INTS10: variants seen among roughly 807,000 people sequenced by gnomAD.
INTS10 encodes the protein integrator complex subunit 10, also known as chromosome 8 open reading frame 35.
Under a neutral mutation model 94.4 loss-of-function variants are expected in INTS10, and 44 were observed. The ratio of observed to expected loss-of-function variants is 0.47; its 90% CI spans 0.37 to 0.60. INTS10 has a LOEUF of 0.60. Ranked by LOEUF, INTS10 falls within the 20% of genes least tolerant of loss-of-function variation. The probability of loss-of-function intolerance (pLI) is 0.00; values close to 1 mark genes in which losing one functional copy is unlikely to be tolerated. For synonymous variants in INTS10, 341 were observed against 320.7 expected, an observed-to-expected ratio of 1.06 and a Z score of -0.68; for missense variants, 797 against 868.7, an observed-to-expected ratio of 0.92 and a Z score of 1.04.
intron 11 of INTS10, 29 bp from the exon 12 acceptor site, chr8:19,833,140 T>C (rs980718244): frequency 2.0e-6 from 3 of 1,501,008 alleles, no homozygotes; most frequent in Non-Finnish European, 2.7e-6. Flanking sequence ...GCGATGCTTT[T>C]CCCCTCCTTG....
intron 15 of INTS10, among the ~76,000 whole-genome samples, chr8:19,845,012 C>T (rs2068457650): frequency 1.3e-5 from 2 of 152,038 alleles, no homozygotes; most frequent in Non-Finnish European, 2.9e-5. Context: ...ACCCTCCTAC[C>T]TCAGCCTTCT....
At position 19,826,418 on chromosome 8, in the gene INTS10, G is replaced by A. The variant is rs573814513; in HGVS notation, c.1007-8G>A. On this transcript the variant is annotated splice_region_variant and splice_polypyrimidine_tract_variant and intron_variant, in intron 8 of 16. Transcript: ENST00000397977. ...CTGGTAAGTGTTGGTGTTTTTCCCC[G>A]TCCTTAGGTCCTAATGCCCCGAGCC... is the stretch of plus-strand genomic sequence containing the variant. 19 of 1,603,418 alleles carry A rather than the reference G, an allele frequency of 1.2e-5. No individual in the cohort carries two copies. Among genetic ancestry groups the A allele is most frequent in the Middle Eastern group, 1.7e-4 (1 of 6,014 alleles).
intron 6 of INTS10, 125 bp downstream of exon 6, chr8:19,823,566 T>C (rs1308008919): frequency 1.7e-5 from 12 of 724,482 alleles, no homozygotes; most frequent in Admixed American, 6.0e-5. Flanking sequence ...TTTCAAAAGA[T>C]GGTATCTAGA....
intron 10 of INTS10, among the ~76,000 whole-genome samples, chr8:19,831,402 T>C (rs1296884955): frequency 6.6e-6 from 1 of 152,168 alleles, no homozygotes; most frequent in East Asian, 1.9e-4. Context: ...CAAAATAAAA[T>C]GGGCCAGGCA....
At position 19,823,431 on chromosome 8, in the gene INTS10, T is replaced by G; in HGVS notation, c.654T>G (p.Asn218Lys). 1 of 1,603,940 alleles carries G rather than the reference T, an allele frequency of 6.2e-7. No individual in the cohort carries two copies. Among genetic ancestry groups the G allele is most frequent in the Non-Finnish European group, 8.5e-7 (1 of 1,171,472 alleles). ...TCACTAGGTCTACTCAAATAGAAAATCAGCATCAAGGTAAGTAGGAATACC... is the reference window on the plus strand; with the variant it reads ...TCACTAGGTCTACTCAAATAGAAAAGCAGCATCAAGGTAAGTAGGAATACC... ...NYVTRSTQIE[N>K]QHQGAQDTSD... Residue 218 changes from asparagine (N) to lysine (K), a missense_variant, in exon 6 of 17, where the codon AAT (asparagine) becomes AAG (lysine). Physicochemically the swap from Asn to Lys is moderately conservative, Grantham distance 94. Around this residue, in one of 3 missense-constraint regions of INTS10, gnomAD observed 734 missense variants for 787.8 expected, o/e 0.93. Coordinates refer to ENST00000397977, the MANE Select transcript of INTS10 (RefSeq NM_018142.4).
intron 12 of INTS10, among the ~76,000 whole-genome samples, chr8:19,834,006 C>CAAAAAA (rs11428734): frequency 2.7e-5 from 3 of 110,398 alleles, no homozygotes; most frequent in African/African-American, 1.1e-4. Flanking sequence ...GACTCTGTCT[C>CAAAAAA]AAAAAAAAAA....
chr8:19,819,963 C>G (rs73590902), intron 3 of INTS10, among the ~76,000 whole-genome samples: 3,454 of 152,288 alleles, frequency 0.023, 136 homozygotes, highest in African/African-American at 0.079. Context: ...CTCCACAAAA[C>G]AGGAGAGAAG....
intron 6 of INTS10, 100 bp downstream of exon 6, chr8:19,823,541 A>G: frequency 1.2e-6 from 1 of 868,818 alleles, no homozygotes. Context: ...CTGGATACTT[A>G]CCAGTTTGGG....
chr8:19,823,242 A>G, intron 5 of INTS10, 59 bp from the exon 6 acceptor site: 1 of 1,340,700 alleles, frequency 7.5e-7, no homozygotes, highest in Non-Finnish European at 1.1e-6. Context: ...TTTTGTATTT[A>G]TCGGAACTCT....
chr8:19,819,689 G>C lies in INTS10; in HGVS notation c.301+13G>C, dbSNP rs764107419. ...CAATTTTTAAGAAGTAAGAATAATG[G>C]TGTATAAGTTACCATTTCGGGAATA... On this transcript the variant is annotated intron_variant, in intron 3 of 16. Transcript: ENST00000397977. 4 of 1,570,320 alleles carry C rather than the reference G, an allele frequency of 2.5e-6. No individual in the cohort carries two copies. The highest frequency in any genetic ancestry group is 3.5e-6 in the Non-Finnish European group (4 of 1,142,938).
chr8:19,829,241 G>A (rs2067045042), intron 9 of INTS10, among the ~76,000 whole-genome samples: 1 of 152,220 alleles, frequency 6.6e-6, no homozygotes, highest in African/African-American at 2.4e-5. Flanking sequence ...TGATCTTAGT[G>A]GAGTAAAGAT....
intron 13 of INTS10, among the ~76,000 whole-genome samples, chr8:19,841,506 C>T (rs776400910): frequency 1.1e-4 from 17 of 152,234 alleles, no homozygotes; most frequent in Middle Eastern, 3.4e-3. Context: ...AGGCAAAGGA[C>T]AGGAAGAACA....
intron 16 of INTS10, among the ~76,000 whole-genome samples, chr8:19,847,387 T>C: frequency 6.6e-6 from 1 of 152,226 alleles, no homozygotes; most frequent in Non-Finnish European, 1.5e-5. Context: ...CAAAATATTC[T>C]TAACAGTGTT....
At chr8:19,825,537 G>T (rs200811955) in intron 8 of INTS10, among the ~76,000 whole-genome samples, 4 of 134,338 alleles carry the variant, frequency 3.0e-5, no homozygotes, top group South Asian at 2.4e-4. Flanking sequence ...AAAAAAAAAA[G>T]AAAAAAACAG....
Position 19,824,951 on chromosome 8 carries a change from A to G in INTS10, c.985A>G (p.Ile329Val). Residue 329 changes from isoleucine to valine, a missense_variant, in exon 8 of 17, where the codon ATA becomes GTA. Ile to Val is a conservative substitution (Grantham distance 29). Coordinates refer to ENST00000397977, the MANE Select transcript of INTS10 (RefSeq NM_018142.4). ...FKNAFQYVNS[I>V]QPSLFQGPNA... ...GAATGCATTCCAGTATGTCAACAGC[A>G]TACAGCCATCTCTCTTCCAAGGTTG... 1.9e-6 allele frequency: 3 copies of G among 1,613,976 alleles called. No homozygotes were observed. Among genetic ancestry groups the G allele is most frequent in the Non-Finnish European group, 2.5e-6 (3 of 1,179,952 alleles).
chr8:19,845,605 T>C, intron 15 of INTS10, 99 bp from the exon 16 acceptor site: 2 of 783,356 alleles, frequency 2.6e-6, no homozygotes, highest in South Asian at 1.5e-5. Context: ...TTTAGTGGGA[T>C]GGCAATGGGC....
intron 16 of INTS10, among the ~76,000 whole-genome samples, chr8:19,850,745 C>CCCT (rs1563485809): frequency 1.3e-5 from 2 of 152,136 alleles, no homozygotes; most frequent in East Asian, 1.9e-4. Context: ...AGGTAAAACT[C>CCCT]CCTTCCTCTT....
chr8:19,822,699 C>A (rs2066475325), intron 5 of INTS10, among the ~76,000 whole-genome samples, 179 bp downstream of exon 5: 1 of 151,788 alleles, frequency 6.6e-6, no homozygotes, highest in African/African-American at 2.4e-5. Context: ...CGCCTGTAAT[C>A]CTAGCACTTA....
Position 19,825,112 on chromosome 8 carries a change from GT to G in INTS10, c.1006+144del, listed in dbSNP as rs748820095. 4 of 684,954 alleles carry G rather than the reference GT, an allele frequency of 5.8e-6. No individual in the cohort carries two copies. In the East Asian group the frequency reaches 1.1e-4, roughly 19 times the overall value. The allele number at this position is 684,954 out of a possible 1,614,324, so 42.4% of individuals were successfully genotyped here. ...AGTCCTTTTTATAGTTGGCGATTTA[GT>G]TTTGTTTAGTTTGGCTTAATTGGTA... is the stretch of plus-strand genomic sequence containing the variant. On this transcript the variant is annotated intron_variant, in intron 8 of 16. Coordinates refer to ENST00000397977, the MANE Select transcript of INTS10 (RefSeq NM_018142.4).
Sources: gnomAD v4.1 joint callset for allele counts (sites outside exome capture counted in the v4.1 genomes callset) on GRCh38, gnomAD v4.1.1 for gene constraint, gnomAD v4.1.1 regional missense constraint, MANE v1.5 for transcripts, NCBI Gene and HGNC (gene_info 2026-07-23, HGNC 2026-07-21) for gene names.